Variants in TRAPPC9 observed in about 807,000 individuals in gnomAD.
TRAPPC9 encodes the protein trafficking protein particle complex subunit 9, also known as IKK2 binding protein.
A neutral mutation model predicts 124.0 loss-of-function variants in TRAPPC9; 83 were observed. The observed-to-expected ratio is 0.67, with a 90% CI of 0.56 to 0.80. TRAPPC9 has a LOEUF of 0.80. Ranked by LOEUF, TRAPPC9 falls within the 30% of genes least tolerant of loss-of-function variation. The pLI, the probability that TRAPPC9 is intolerant of heterozygous loss-of-function variation, is 0.00. For synonymous variants in TRAPPC9, 638 were observed against 617.5 expected (o/e 1.03, Z -0.49); for missense variants, 1,302 against 1,508.3 (o/e 0.86, Z 2.27).
intron 9 of TRAPPC9, among the ~76,000 whole-genome samples, chr8:140,347,553 C>A (rs900691682): frequency 1.3e-5 from 2 of 152,180 alleles, no homozygotes; most frequent in African/African-American, 4.8e-5. Context: ...TCATCCTGGG[C>A]CTCCCTGTTA....
chr8:140,302,955 G>A (rs118035499), intron 10 of TRAPPC9: 1 of 152,166 alleles, frequency 6.6e-6, no homozygotes, highest in Non-Finnish European at 1.5e-5. Context: ...CTTAAGGAAG[G>A]TTATGGCTTG....
intron 17 of TRAPPC9, among the ~76,000 whole-genome samples, chr8:140,060,611 T>C (rs1842550247): frequency 6.9e-6 from 1 of 144,288 alleles, no homozygotes; most frequent in Non-Finnish European, 1.5e-5. Flanking sequence ...TCCCTACCTG[T>C]TCCTACCCAT....
chr8:139,977,349 T>C (rs1447564300), intron 19 of TRAPPC9, among the ~76,000 whole-genome samples: 1 of 151,858 alleles, frequency 6.6e-6, no homozygotes, highest in Non-Finnish European at 1.5e-5. Flanking sequence ...AGGCCAGGCG[T>C]GGTGGCTCAC....
At chr8:140,072,573 AAGGAGGAGGAGGAGAAGGGAAGGAGG>A (rs376818320) in intron 17 of TRAPPC9, among the ~76,000 whole-genome samples, 4 of 32,972 alleles carry the variant, frequency 1.2e-4, no homozygotes, top group South Asian at 1.1e-3. Context: ...AGGAGAAAGG[AAGGAGGAGGAGGAGAAGGGAAGGAGG>A]AGGAGGAGGA....
intron 21 of TRAPPC9, among the ~76,000 whole-genome samples, chr8:139,853,706 G>A (rs1448201360): frequency 6.6e-6 from 1 of 152,182 alleles, no homozygotes; most frequent in East Asian, 1.9e-4. Context: ...GGAAGGGGCT[G>A]GGCCAGGGGC....
At chr8:140,096,723 C>T (rs1299389552) in intron 17 of TRAPPC9, 1 of 152,164 alleles carries the variant, frequency 6.6e-6, no homozygotes, top group Admixed American at 6.5e-5. Context: ...GACTGGAAGA[C>T]ACCCAGTAGA....
At chr8:140,381,623 G>T (rs1326842807) in intron 7 of TRAPPC9, among the ~76,000 whole-genome samples, 1 of 135,866 alleles carries the variant, frequency 7.4e-6, no homozygotes. Context: ...AGTCGAGATT[G>T]TGCCACTGCA....
chr8:139,901,015 AAATAAAAAT>A, intron 20 of TRAPPC9, among the ~76,000 whole-genome samples: 1 of 151,520 alleles, frequency 6.6e-6, no homozygotes, highest in Admixed American at 6.6e-5. Context: ...ATAAATAAAT[AAATAAAAAT>A]AAAATAAAAG....
At chr8:139,760,134 T>C (rs1166488875) in intron 21 of TRAPPC9, among the ~76,000 whole-genome samples, 1 of 152,206 alleles carries the variant, frequency 6.6e-6, no homozygotes, top group African/African-American at 2.4e-5. Context: ...GTAGTGTATA[T>C]GACCTACTCC....
chr8:140,291,261 T>C (rs2131763341), intron 11 of TRAPPC9, 183 bp from the exon 12 acceptor site: 1 of 665,686 alleles, frequency 1.5e-6, no homozygotes, highest in Non-Finnish European at 2.7e-6. Context: ...CAAAGCAAGG[T>C]AGCTGTCACT....
At chr8:140,144,464 TTTCATTCATTCATTCATTCA>T (rs67174670) in intron 17 of TRAPPC9, among the ~76,000 whole-genome samples, 14 of 150,392 alleles carry the variant, frequency 9.3e-5, no homozygotes, top group Non-Finnish European at 1.3e-4. Flanking sequence ...CTATTTTTCT[TTTCATTCATTCATTCATTCA>T]TTCATTCATT....
At chr8:139,925,641 A>T (rs975502094) in intron 19 of TRAPPC9, among the ~76,000 whole-genome samples, 2 of 151,816 alleles carry the variant, frequency 1.3e-5, no homozygotes, top group African/African-American at 4.8e-5. Context: ...CCAGCTACTC[A>T]GGAGGCTGAG....
At chr8:140,212,840 G>A (rs1428715696) in intron 17 of TRAPPC9, among the ~76,000 whole-genome samples, 2 of 151,924 alleles carry the variant, frequency 1.3e-5, no homozygotes, top group East Asian at 3.9e-4. Context: ...CAGCACTTTG[G>A]GAGGCCGAGG....
chr8:140,159,877 C>T (rs1337393531), intron 17 of TRAPPC9, among the ~76,000 whole-genome samples: 2 of 152,224 alleles, frequency 1.3e-5, no homozygotes, highest in Admixed American at 1.3e-4. Flanking sequence ...GGAAAATAGT[C>T]TGCGGCCCCT....
chr8:139,827,407 C>T (rs2085850), intron 21 of TRAPPC9, among the ~76,000 whole-genome samples: 1 of 152,224 alleles, frequency 6.6e-6, no homozygotes, highest in African/African-American at 2.4e-5. Flanking sequence ...TCTGAAGCTT[C>T]TTGCAGCTTC....
chr8:140,019,232 T>TATA (rs1839670174), intron 18 of TRAPPC9, among the ~76,000 whole-genome samples: 2 of 150,328 alleles, frequency 1.3e-5, no homozygotes, highest in Middle Eastern at 6.8e-3. Context: ...ATTTCACATG[T>TATA]ATATACATGA....
intron 17 of TRAPPC9, among the ~76,000 whole-genome samples, chr8:140,025,023 G>A (rs141946491): frequency 1.3e-3 from 198 of 152,300 alleles, no homozygotes; most frequent in African/African-American, 4.5e-3. Context: ...GGGGCCCAGC[G>A]GTACCCAGTG....
At chr8:139,808,669 A>G (rs1446895640) in intron 21 of TRAPPC9, among the ~76,000 whole-genome samples, 1 of 152,006 alleles carries the variant, frequency 6.6e-6, no homozygotes, top group Non-Finnish European at 1.5e-5. Flanking sequence ...CTATCTCTAC[A>G]GATTTACCAA....
rs145370390 is a variant in TRAPPC9, at chr8:139,932,488, C to T, written c.2811-22188G>A. 6.9e-3 allele frequency: 3,146 copies of T among 457,138 alleles called. 12 individuals are homozygous for T. The highest frequency in any genetic ancestry group is 9.9e-3 in the Non-Finnish European group (2,245 of 226,958). The allele number at this position is 457,138 out of a possible 1,614,324, so 28.3% of individuals were successfully genotyped here. Reference sequence around the variant, plus strand: ...GTAGAAATGTCATGTAGACACTGGGCGCGGTGGCTCACGCCTGTAATCCCA... The same window carrying T: ...GTAGAAATGTCATGTAGACACTGGGTGCGGTGGCTCACGCCTGTAATCCCA... On this transcript the variant is annotated intron_variant, in intron 19 of 22. Transcript: ENST00000438773.
Sources: gnomAD v4.1 joint callset for allele counts (sites outside exome capture counted in the v4.1 genomes callset) on GRCh38, gnomAD v4.1.1 for gene constraint, MANE v1.5 for transcripts, NCBI Gene and HGNC (gene_info 2026-07-23, HGNC 2026-07-21) for gene names.